The following NTM variants were observed in gnomAD, a reference collection of about 807,000 sequenced individuals.
NTM encodes the protein IgLON family member 2.
NTM carries 13 observed loss-of-function variants against 42.1 expected under a neutral mutation model. The observed-to-expected ratio is 0.31, with a 90% confidence interval of 0.20 to 0.49. The LOEUF (loss-of-function observed/expected upper bound fraction) is 0.49, where lower values mean the gene tolerates loss of function less well. Among genes scored for constraint, NTM ranks in the 20% least tolerant of loss-of-function variants. The pLI is 0.99. For synonymous variants in NTM, 187 were observed against 179.2 expected (o/e 1.04, Z -0.35); for missense variants, 373 against 452.8 (o/e 0.82, Z 1.60).
At chr11:132,177,174 ATT>A (rs1224104845) in intron 3 of NTM, among the ~76,000 whole-genome samples, 1 of 152,326 alleles carries the variant, frequency 6.6e-6, no homozygotes, top group Middle Eastern at 3.4e-3. Flanking sequence ...ATGCTGTGAC[ATT>A]TTGCTGCCAA....
chr11:132,068,611 T>G (rs992018369), intron 2 of NTM, among the ~76,000 whole-genome samples: 1 of 152,244 alleles, frequency 6.6e-6, no homozygotes, highest in African/African-American at 2.4e-5. Context: ...ATTTTTAAAG[T>G]GTATTTCTTC....
intron 2 of NTM, among the ~76,000 whole-genome samples, chr11:132,054,869 T>C (rs1044555019): frequency 6.6e-6 from 1 of 152,140 alleles, no homozygotes; most frequent in East Asian, 1.9e-4. Flanking sequence ...GGAATTGAGA[T>C]GGAGGACATG....
intron 1 of NTM, among the ~76,000 whole-genome samples, chr11:131,402,476 G>T (rs1189452092): frequency 6.6e-6 from 1 of 151,532 alleles, no homozygotes; most frequent in Non-Finnish European, 1.5e-5. Context: ...TCCATGGGAA[G>T]TGTCAAAGAA....
chr11:131,833,125 C>T (rs946713316), intron 1 of NTM, among the ~76,000 whole-genome samples: 2 of 152,154 alleles, frequency 1.3e-5, no homozygotes, highest in South Asian at 2.1e-4. Context: ...ATTTATGTAT[C>T]GTTCTGACCA....
intron 1 of NTM, among the ~76,000 whole-genome samples, chr11:131,708,240 C>T (rs1354408186): frequency 1.3e-5 from 2 of 152,060 alleles, no homozygotes; most frequent in African/African-American, 4.8e-5. Flanking sequence ...AACATGAATT[C>T]TTCAATAGTA....
chr11:132,019,474 C>G (rs1282195454), intron 2 of NTM, among the ~76,000 whole-genome samples: 2 of 151,852 alleles, frequency 1.3e-5, no homozygotes, highest in African/African-American at 2.4e-5. Context: ...GGTTTGCTTG[C>G]TGTATTTTGA....
chr11:131,819,489 T>A (rs942532915), intron 1 of NTM, among the ~76,000 whole-genome samples: 1 of 152,314 alleles, frequency 6.6e-6, no homozygotes, highest in African/African-American at 2.4e-5. Flanking sequence ...TTTCACAATT[T>A]TCCTCAAACA....
At chr11:131,791,673 G>A (rs754787877) in intron 1 of NTM, among the ~76,000 whole-genome samples, 5 of 152,210 alleles carry the variant, frequency 3.3e-5, no homozygotes, top group Non-Finnish European at 4.4e-5. Flanking sequence ...CACACATCAT[G>A]TAACACAGAA....
intron 4 of NTM, among the ~76,000 whole-genome samples, chr11:132,263,197 C>G (rs1229150711): frequency 6.6e-6 from 1 of 152,232 alleles, no homozygotes; most frequent in Non-Finnish European, 1.5e-5. Flanking sequence ...CCTTGGGCAG[C>G]TCCAACCCCA....
At chr11:131,746,745 T>G (rs1190045452) in intron 1 of NTM, among the ~76,000 whole-genome samples, 1 of 152,204 alleles carries the variant, frequency 6.6e-6, no homozygotes, top group Non-Finnish European at 1.5e-5. Flanking sequence ...CTGCTTCATA[T>G]GCTTGGCATT....
chr11:131,587,520 C>A (rs2058981176), intron 1 of NTM, among the ~76,000 whole-genome samples: 1 of 151,992 alleles, frequency 6.6e-6, no homozygotes, highest in Non-Finnish European at 1.5e-5. Flanking sequence ...CCATTTCAGA[C>A]AAATTCAAAT....
At chr11:131,586,692 C>A (rs527529783) in intron 1 of NTM, among the ~76,000 whole-genome samples, 8 of 152,284 alleles carry the variant, frequency 5.3e-5, no homozygotes, top group African/African-American at 1.9e-4. Context: ...TTTTAGGCTG[C>A]TTTGTTTGTT....
intron 4 of NTM, among the ~76,000 whole-genome samples, chr11:132,288,490 C>T (rs2094333213): frequency 2.6e-5 from 4 of 152,246 alleles, no homozygotes. Context: ...TTAATGCATA[C>T]ATCAATTCAT....
At chr11:131,520,109 A>G (rs1212562657) in intron 1 of NTM, among the ~76,000 whole-genome samples, 1 of 152,230 alleles carries the variant, frequency 6.6e-6, no homozygotes, top group Non-Finnish European at 1.5e-5. Context: ...TATCGTCGTC[A>G]ACAGTTGCAT....
chr11:131,893,745 T>G (rs1267381176), intron 1 of NTM, among the ~76,000 whole-genome samples: 1 of 152,166 alleles, frequency 6.6e-6, no homozygotes, highest in Non-Finnish European at 1.5e-5. Context: ...AGGTGGGGTG[T>G]GTCCATGCTC....
chr11:132,245,513 G>A (rs1445349225), intron 4 of NTM, among the ~76,000 whole-genome samples: 1 of 152,058 alleles, frequency 6.6e-6, no homozygotes, highest in Non-Finnish European at 1.5e-5. Flanking sequence ...TTTTATGCAC[G>A]GTGCCTTTTT....
intron 2 of NTM, among the ~76,000 whole-genome samples, chr11:131,976,097 T>TTCCCTCCC (rs879440785): frequency 7.1e-6 from 1 of 140,716 alleles, no homozygotes; most frequent in African/African-American, 2.7e-5. Context: ...CCTTCCCTCC[T>TTCCCTCCC]TCCCTCCCTC....
chr11:131,841,267 T>C (rs1204787727), intron 1 of NTM, among the ~76,000 whole-genome samples: 3 of 152,202 alleles, frequency 2.0e-5, no homozygotes, highest in African/African-American at 7.2e-5. Flanking sequence ...CCAAGTGTTG[T>C]TGCCAAATAT....
chr11:131,848,796 C>G (rs1384114291), intron 1 of NTM, among the ~76,000 whole-genome samples: 2 of 152,156 alleles, frequency 1.3e-5, no homozygotes, highest in East Asian at 3.9e-4. Context: ...AAACCCAAAC[C>G]TTCTCCTCCA....
Sources: allele counts gnomAD v4.1 joint callset (sites outside exome capture counted in the v4.1 genomes callset), GRCh38; gene constraint gnomAD v4.1.1; transcripts MANE v1.5; gene names NCBI Gene and HGNC (gene_info 2026-07-23, HGNC 2026-07-21).